The following ARFIP1 variants were observed in gnomAD, a reference collection of about 807,000 sequenced individuals.
The protein encoded by ARFIP1 is ARF interacting protein 1, also known as arfaptin-1.
A neutral mutation model predicts 42.5 loss-of-function variants in ARFIP1; 24 were observed. The observed-to-expected ratio is 0.57, with a 90% CI of 0.41 to 0.80. ARFIP1 has a LOEUF of 0.80. Among genes scored for constraint, ARFIP1 ranks in the 30% least tolerant of loss-of-function variants. ARFIP1 has a pLI of 0.00. For synonymous variants in ARFIP1, 141 were observed against 153.7 expected (o/e 0.92, Z 0.61); for missense variants, 354 against 434.0 (o/e 0.82, Z 1.64).
At chr4:152,815,573 T>G (rs1187472534) in intron 1 of ARFIP1, among the ~76,000 whole-genome samples, 1 of 152,170 alleles carries the variant, frequency 6.6e-6, no homozygotes, top group East Asian at 1.9e-4. Flanking sequence ...TCCCTTACAT[T>G]GTGCTCTTCC....
intron 8 of ARFIP1, among the ~76,000 whole-genome samples, chr4:152,901,521 T>C (rs1006163316): frequency 3.3e-5 from 5 of 152,248 alleles, no homozygotes; most frequent in Non-Finnish European, 7.3e-5. Flanking sequence ...GTTTGGCAGA[T>C]GTTTACGAAA....
At chr4:152,808,983 C>T (rs1010826975) in intron 1 of ARFIP1, among the ~76,000 whole-genome samples, 24 of 151,876 alleles carry the variant, frequency 1.6e-4, no homozygotes, top group African/African-American at 5.1e-4. Context: ...ACCTGGGAGG[C>T]GGAGATTTTA....
chr4:152,871,843 CTTACCT>C (rs1197895382), intron 4 of ARFIP1, among the ~76,000 whole-genome samples: 1 of 151,832 alleles, frequency 6.6e-6, no homozygotes, highest in Non-Finnish European at 1.5e-5. Context: ...TTTTGGTTTT[CTTACCT>C]TTTTTTTGTG....
At chr4:152,874,566 A>T (rs1434766791) in intron 5 of ARFIP1, among the ~76,000 whole-genome samples, 1 of 152,198 alleles carries the variant, frequency 6.6e-6, no homozygotes, top group Non-Finnish European at 1.5e-5. Context: ...TCTCAGCTCA[A>T]ATTTTAGCTA....
At chr4:152,888,539 T>G (rs1235160681) in intron 8 of ARFIP1, among the ~76,000 whole-genome samples, 2 of 152,152 alleles carry the variant, frequency 1.3e-5, no homozygotes, top group Non-Finnish European at 2.9e-5. Context: ...GCAAAAAGTA[T>G]TTGATGGACA....
intron 1 of ARFIP1, among the ~76,000 whole-genome samples, chr4:152,817,409 A>G (rs1273719529): frequency 6.6e-6 from 1 of 152,228 alleles, no homozygotes; most frequent in Non-Finnish European, 1.5e-5. Context: ...GGATATCCAC[A>G]TGCAAAAGAA....
intron 2 of ARFIP1, among the ~76,000 whole-genome samples, chr4:152,855,420 C>G (rs955211993): frequency 6.6e-6 from 1 of 152,180 alleles, no homozygotes. Context: ...TGCACTTCCA[C>G]TGGAGAGGGT....
At chr4:152,876,139 G>A (rs1373250591) in intron 5 of ARFIP1, among the ~76,000 whole-genome samples, 1 of 152,100 alleles carries the variant, frequency 6.6e-6, no homozygotes, top group South Asian at 2.1e-4. Flanking sequence ...ATGGGTTGTT[G>A]CTGAAAAGAT....
At chr4:152,814,821 A>G (rs1331617189) in intron 1 of ARFIP1, among the ~76,000 whole-genome samples, 1 of 152,282 alleles carries the variant, frequency 6.6e-6, no homozygotes, top group Non-Finnish European at 1.5e-5. Flanking sequence ...GCTCAAAGCT[A>G]AAAGCCTAGG....
At chr4:152,857,095 TG>T (rs1363830632) in intron 2 of ARFIP1, among the ~76,000 whole-genome samples, 1 of 152,102 alleles carries the variant, frequency 6.6e-6, no homozygotes, top group African/African-American at 2.4e-5. Context: ...AAAAATTGAG[TG>T]TAAGGAATGT....
At chr4:152,825,744 C>A (rs1057203633) in intron 1 of ARFIP1, among the ~76,000 whole-genome samples, 3 of 152,254 alleles carry the variant, frequency 2.0e-5, no homozygotes, top group African/African-American at 7.2e-5. Flanking sequence ...TCAGAATAAA[C>A]AGACAACCTA....
chr4:152,868,205 G>A (rs1388361749), intron 3 of ARFIP1, among the ~76,000 whole-genome samples: 6 of 152,192 alleles, frequency 3.9e-5, no homozygotes, highest in Non-Finnish European at 5.9e-5. Flanking sequence ...CAAAGATGTT[G>A]CAGAATCAGT....
At chr4:152,893,765 G>A (rs939474975) in intron 8 of ARFIP1, among the ~76,000 whole-genome samples, 1 of 151,992 alleles carries the variant, frequency 6.6e-6, no homozygotes, top group South Asian at 2.1e-4. Flanking sequence ...AACCAGACTT[G>A]GGATCTATCC....
intron 8 of ARFIP1, among the ~76,000 whole-genome samples, chr4:152,904,349 G>A (rs1188544116): frequency 2.6e-5 from 4 of 151,756 alleles, no homozygotes; most frequent in East Asian, 3.9e-4. Context: ...GTGCCACCAC[G>A]CCCGGCTCAT....
At chr4:152,856,169 T>C (rs532412476) in intron 2 of ARFIP1, among the ~76,000 whole-genome samples, 1 of 152,344 alleles carries the variant, frequency 6.6e-6, no homozygotes, top group South Asian at 2.1e-4. Context: ...ATATGTACTA[T>C]TTAATAACAC....
At chr4:152,872,416 A>G in intron 4 of ARFIP1, 36 bp from the exon 5 acceptor site, 2 of 1,366,154 alleles carry the variant, frequency 1.5e-6, no homozygotes, top group African/African-American at 1.4e-5. Context: ...GCTTGTCTTC[A>G]TCTGGATTGT....
chr4:152,787,513 GC>G (rs1408459669), intron 1 of ARFIP1, among the ~76,000 whole-genome samples: 1 of 152,220 alleles, frequency 6.6e-6, no homozygotes, highest in Non-Finnish European at 1.5e-5. Flanking sequence ...CCCGCAAAGG[GC>G]AATACAATGC....
chr4:152,892,971 T>G (rs76738193), intron 8 of ARFIP1, among the ~76,000 whole-genome samples: 5 of 152,382 alleles, frequency 3.3e-5, no homozygotes, highest in African/African-American at 9.6e-5. Flanking sequence ...TGAGCTATTT[T>G]GTGACTTAAG....
chr4:152,837,973 C>A (rs1371174885), intron 2 of ARFIP1, among the ~76,000 whole-genome samples: 1 of 152,166 alleles, frequency 6.6e-6, no homozygotes, highest in African/African-American at 2.4e-5. Flanking sequence ...AGATGAGAAT[C>A]CAGTTTCATT....
Sources: allele counts gnomAD v4.1 joint callset (sites outside exome capture counted in the v4.1 genomes callset), GRCh38; gene constraint gnomAD v4.1.1; transcripts MANE v1.5; gene names NCBI Gene and HGNC (gene_info 2026-07-23, HGNC 2026-07-21).